DIAPH3: variants seen among roughly 807,000 people sequenced by gnomAD.
DIAPH3 encodes the protein diaphanous related formin 3, also known as protein diaphanous homolog 3.
Under a neutral mutation model 144.3 loss-of-function variants are expected in DIAPH3, and 117 were observed. That is an observed-to-expected ratio of 0.81 (90% CI 0.70 to 0.95). The LOEUF is 0.95. Ranked by LOEUF, DIAPH3 falls within the 40% of genes least tolerant of loss-of-function variation. The pLI, the probability that DIAPH3 is intolerant of heterozygous loss-of-function variation, is 0.00. For missense variants in DIAPH3, 1,421 were observed against 1,412.7 expected (o/e 1.01, Z -0.09); for synonymous variants, 519 against 488.9 (o/e 1.06, Z -0.81).
Position 59,671,823 on chromosome 13 carries a change from C to T in DIAPH3, c.3320-4977G>A, listed in dbSNP as rs188452979. Among the ~76,000 whole-genome samples the T allele has an allele frequency of 1.8e-3, 280 of 152,182 alleles. 1 individual carries two copies. Among genetic ancestry groups the T allele is most frequent in the Middle Eastern group, 6.8e-3 (2 of 294 alleles). On this transcript the variant is annotated intron_variant, in intron 27 of 27. Coordinates refer to ENST00000400324, the MANE Select transcript of DIAPH3 (RefSeq NM_001042517.2). ...CTTTGAAACTGAACTAAAAGTTGAA[C>T]GTTGTTGGAGAGCTGAATGCCTCTT...
intron 27 of DIAPH3, among the ~76,000 whole-genome samples, chr13:59,680,744 AAAT>A (rs2032897220): frequency 6.6e-6 from 1 of 152,112 alleles, no homozygotes; most frequent in Admixed American, 6.6e-5. Context: ...TATTATGGTA[AAAT>A]AATAATATGT....
intron 27 of DIAPH3, among the ~76,000 whole-genome samples, chr13:59,740,551 TC>T (rs1334326427): frequency 6.6e-6 from 1 of 152,200 alleles, no homozygotes; most frequent in East Asian, 1.9e-4. Context: ...AGCACGAAGT[TC>T]TTCTACAGTT....
intron 19 of DIAPH3, among the ~76,000 whole-genome samples, chr13:59,913,955 CA>C (rs530376545): frequency 7.1e-5 from 10 of 139,932 alleles, no homozygotes; most frequent in Admixed American, 1.4e-4. Context: ...CACTCTGTCT[CA>C]AAAAAAAAAC....
At chr13:60,100,766 A>G (rs1409121627) in intron 3 of DIAPH3, among the ~76,000 whole-genome samples, 1 of 151,986 alleles carries the variant, frequency 6.6e-6, no homozygotes, top group East Asian at 1.9e-4. Flanking sequence ...AGAAAAACAG[A>G]ACATCATTAT....
chr13:60,156,941 T>TATATATATATATATATATATA (rs1566834028), intron 1 of DIAPH3, among the ~76,000 whole-genome samples: 17 of 27,360 alleles, frequency 6.2e-4, no homozygotes, highest in African/African-American at 1.8e-3. Flanking sequence ...ATATATATAT[T>TATATATATATATATATATATA]TTTTTTTTTT....
chr13:59,887,367 T>C (rs971384443), intron 20 of DIAPH3, among the ~76,000 whole-genome samples: 1 of 152,110 alleles, frequency 6.6e-6, no homozygotes, highest in African/African-American at 2.4e-5. Context: ...CTAGTTTTGC[T>C]GTAGTAGATT....
chr13:59,987,724 T>C (rs1172707577), intron 12 of DIAPH3, among the ~76,000 whole-genome samples: 1 of 151,264 alleles, frequency 6.6e-6, no homozygotes, highest in Non-Finnish European at 1.5e-5. Context: ...TAGTTCACTT[T>C]GGAAAGCCGG....
intron 13 of DIAPH3, among the ~76,000 whole-genome samples, chr13:59,982,557 C>G (rs759320132): frequency 6.6e-6 from 1 of 151,560 alleles, no homozygotes; most frequent in Non-Finnish European, 1.5e-5. Context: ...AAACATAACC[C>G]TGCACAGATA....
chr13:59,909,243 C>T (rs888980852), intron 20 of DIAPH3, among the ~76,000 whole-genome samples: 7 of 151,848 alleles, frequency 4.6e-5, no homozygotes, highest in Non-Finnish European at 8.8e-5. Context: ...ACTGAAAACA[C>T]ATCATTCTTT....
intron 25 of DIAPH3, among the ~76,000 whole-genome samples, chr13:59,807,691 C>T (rs2040267551): frequency 6.6e-6 from 1 of 151,820 alleles, no homozygotes; most frequent in Non-Finnish European, 1.5e-5. Context: ...TTACTTGAGG[C>T]CCACCGATGT....
Position 59,830,201 on chromosome 13 carries a change from C to T in DIAPH3, c.3027+2906G>A, listed in dbSNP as rs868403112. Among the ~76,000 whole-genome samples, 5 of 151,784 alleles carry T rather than the reference C, an allele frequency of 3.3e-5. No homozygotes were observed. In the South Asian group the frequency reaches 1.0e-3, roughly 31 times the overall value. Reference sequence around the variant, plus strand: ...ATCAGAAGACCCTGACAAAACGAGACATTTATTTGTCAGGAGTTTTTGCCA... The same window carrying T: ...ATCAGAAGACCCTGACAAAACGAGATATTTATTTGTCAGGAGTTTTTGCCA... On this transcript the variant is annotated intron_variant, in intron 24 of 27. Transcript: ENST00000400324.
chr13:60,104,962 G>T (rs189535820), intron 3 of DIAPH3, among the ~76,000 whole-genome samples: 86 of 152,002 alleles, frequency 5.7e-4, no homozygotes, highest in African/African-American at 2.0e-3. Flanking sequence ...TGGGAGTGGT[G>T]GCGGGCACCT....
chr13:60,153,730 G>T (rs1273449525), intron 1 of DIAPH3, among the ~76,000 whole-genome samples: 1 of 152,100 alleles, frequency 6.6e-6, no homozygotes, highest in African/African-American at 2.4e-5. Flanking sequence ...ATGTAAATCT[G>T]TTTTAGTTTT....
intron 4 of DIAPH3, among the ~76,000 whole-genome samples, chr13:60,082,576 A>G (rs528822514): frequency 6.6e-6 from 1 of 151,974 alleles, no homozygotes; most frequent in Non-Finnish European, 1.5e-5. Flanking sequence ...TCAAGATCCT[A>G]TAGTATTATT....
intron 17 of DIAPH3, among the ~76,000 whole-genome samples, chr13:59,969,107 G>A (rs1338110914): frequency 1.3e-5 from 2 of 152,138 alleles, no homozygotes; most frequent in Admixed American, 6.6e-5. Flanking sequence ...ATTCTGTGTG[G>A]ATATCAGCCT....
chr13:59,699,439 T>C (rs529354136), intron 27 of DIAPH3, among the ~76,000 whole-genome samples: 18 of 152,158 alleles, frequency 1.2e-4, no homozygotes, highest in Non-Finnish European at 2.2e-4. Context: ...TGGGGACAGA[T>C]GGTTTGGCCC....
At chr13:59,809,429 G>A (rs778330102) in intron 25 of DIAPH3, among the ~76,000 whole-genome samples, 58 of 151,452 alleles carry the variant, frequency 3.8e-4, no homozygotes, top group Non-Finnish European at 4.0e-4. Flanking sequence ...TCGAACCCAG[G>A]AGGCAGAAGT....
chr13:60,005,463 A>G (rs1174862380), intron 9 of DIAPH3, among the ~76,000 whole-genome samples: 1 of 152,110 alleles, frequency 6.6e-6, no homozygotes, highest in Admixed American at 6.6e-5. Context: ...TTAATATACA[A>G]AAAATATTGA....
chr13:60,007,895 T>C (rs1442499347), intron 9 of DIAPH3, among the ~76,000 whole-genome samples: 2 of 152,162 alleles, frequency 1.3e-5, no homozygotes, highest in Non-Finnish European at 2.9e-5. Flanking sequence ...CTAATCGACC[T>C]AATTGGCAAA....
Sources: allele counts gnomAD v4.1 joint callset (sites outside exome capture counted in the v4.1 genomes callset), GRCh38; gene constraint gnomAD v4.1.1; transcripts MANE v1.5; gene names NCBI Gene and HGNC (gene_info 2026-07-23, HGNC 2026-07-21).